Variants in FRMPD2 observed in about 807,000 individuals in gnomAD.
The protein encoded by FRMPD2 is FERM and PDZ domain-containing protein 2.
Under a neutral mutation model 140.1 loss-of-function variants are expected in FRMPD2, and 96 were observed. The ratio of observed to expected loss-of-function variants is 0.69; its 90% CI spans 0.58 to 0.81. FRMPD2 has a LOEUF of 0.81. FRMPD2 is among the 40% of genes least tolerant of loss of function. The pLI is 0.00. For missense variants in FRMPD2, 1,240 were observed against 1,447.4 expected (o/e 0.86, Z 2.32); for synonymous variants, 449 against 547.6 (o/e 0.82, Z 2.52).
At chr10:48,261,439 G>C (rs1484973464) in intron 1 of FRMPD2, among the ~76,000 whole-genome samples, 1 of 152,030 alleles carries the variant, frequency 6.6e-6, no homozygotes, top group Non-Finnish European at 1.5e-5. Flanking sequence ...GCAGAAAAAG[G>C]ATAAGAATTA....
chr10:48,244,947 T>G, intron 3 of FRMPD2, 98 bp from the exon 4 acceptor site: 2 of 931,834 alleles, frequency 2.1e-6, no homozygotes, highest in South Asian at 2.7e-5. Context: ...GAACAGACAC[T>G]GTTGTCTGGC....
Position 48,201,368 on chromosome 10 carries a change from A to G in FRMPD2, c.1814T>C (p.Ile605Thr). 2 of 1,613,602 alleles carry G rather than the reference A, an allele frequency of 1.2e-6. No homozygotes were observed. The highest frequency in any genetic ancestry group is 1.7e-6 in the Non-Finnish European group (2 of 1,179,682). Residue 605 changes from isoleucine to threonine, a missense_variant, in exon 15 of 29, where the codon ATC (isoleucine) becomes ACC (threonine). Transcript: ENST00000374201. Reference protein sequence around the residue: ...KISTYQKKFTITSSVTGKKHT... With the variant: ...KISTYQKKFTTTSSVTGKKHT... ...CTTCTTCCCAGTGACACTGCTTGTG[A>G]TGGTGAACTTTTTTTGCTGAAGGAA...
intron 13 of FRMPD2, among the ~76,000 whole-genome samples, chr10:48,210,227 C>T (rs1450235137): frequency 6.6e-6 from 1 of 152,188 alleles, no homozygotes; most frequent in African/African-American, 2.4e-5. Flanking sequence ...CTCTGTACCA[C>T]AGGCAGGCAA....
intron 12 of FRMPD2, among the ~76,000 whole-genome samples, chr10:48,215,274 G>A (rs1223645163): frequency 1.3e-5 from 2 of 152,132 alleles, no homozygotes; most frequent in African/African-American, 2.4e-5. Flanking sequence ...CACAGCCACC[G>A]AGGCTCAGGC....
chr10:48,227,719 T>A (rs1588841919), intron 10 of FRMPD2, among the ~76,000 whole-genome samples: 1 of 152,318 alleles, frequency 6.6e-6, no homozygotes, highest in East Asian at 1.9e-4. Context: ...CATGAACAAC[T>A]GTCCTATTGG....
chr10:48,203,876 C>T (rs867725070), intron 14 of FRMPD2, among the ~76,000 whole-genome samples: 4 of 152,182 alleles, frequency 2.6e-5, no homozygotes, highest in African/African-American at 7.2e-5. Context: ...CTCCTTGCCA[C>T]GTCCCTTCGC....
intron 1 of FRMPD2, among the ~76,000 whole-genome samples, chr10:48,274,342 T>C (rs186552781): frequency 1.3e-5 from 2 of 152,332 alleles, no homozygotes; most frequent in South Asian, 2.1e-4. Context: ...CCATTCTTTA[T>C]TGCTAAAAAA....
intron 21 of FRMPD2, among the ~76,000 whole-genome samples, chr10:48,180,365 G>T (rs1473799233): frequency 6.6e-6 from 1 of 152,148 alleles, no homozygotes; most frequent in African/African-American, 2.4e-5. Flanking sequence ...ACCTACTCCA[G>T]ATCCCATCTT....
intron 10 of FRMPD2, 22 bp from the exon 11 acceptor site, chr10:48,223,292 T>C: frequency 6.2e-7 from 1 of 1,604,498 alleles, no homozygotes; most frequent in Non-Finnish European, 8.5e-7. Flanking sequence ...ATAGAGCATG[T>C]GTGGAAGGAG....
rs1338720441 is a variant in FRMPD2 at position 48,184,758 on chromosome 10, A to G, written c.2467+16T>C. On this transcript the variant is annotated intron_variant, in intron 19 of 28. Coordinates refer to ENST00000374201, the MANE Select transcript of FRMPD2 (RefSeq NM_001018071.4). ...GTTTCTTAAAACAGCATCTCTAGTA[A>G]TTTAAAAAGATGTACCTGGTTTGAT... 3.1e-6 allele frequency: 5 copies of G among 1,603,574 alleles called. No homozygotes were observed. Among genetic ancestry groups the G allele is most frequent in the African/African-American group, 1.3e-5 (1 of 74,514 alleles).
intron 13 of FRMPD2, among the ~76,000 whole-genome samples, chr10:48,210,662 G>A (rs1010509746): frequency 2.6e-5 from 4 of 152,226 alleles, no homozygotes; most frequent in Non-Finnish European, 5.9e-5. Context: ...GGGAACACGT[G>A]TGCAGCCCGG....
chr10:48,251,800 AC>A, intron 1 of FRMPD2, 109 bp from the exon 2 acceptor site: 1 of 1,312,156 alleles, frequency 7.6e-7, no homozygotes. Flanking sequence ...ACTACTGCAC[AC>A]CGGCACTGTG....
chr10:48,195,335 T>A (rs1183363511), intron 15 of FRMPD2, among the ~76,000 whole-genome samples: 1 of 152,222 alleles, frequency 6.6e-6, no homozygotes, highest in African/African-American at 2.4e-5. Context: ...CTTTTCCCCC[T>A]ACAGAACCAA....
chr10:48,158,854 C>A (rs1473866156), intron 28 of FRMPD2: 2 of 275,320 alleles, frequency 7.3e-6, no homozygotes, highest in South Asian at 6.9e-5. Flanking sequence ...AGAGGAATCC[C>A]AGTTCAGCTC....
chr10:48,177,513 G>A (rs1490366935), intron 22 of FRMPD2: 2 of 155,928 alleles, frequency 1.3e-5, no homozygotes, highest in Non-Finnish European at 2.9e-5. Context: ...CAACCCCTTG[G>A]GTAAACACAG....
rs781512482 is a variant in FRMPD2, at chr10:48,236,559, G to A, written c.922-6C>T. The A allele has an allele frequency of 1.1e-5, 17 of 1,613,830 alleles. No individual in the cohort carries two copies. The highest frequency in any genetic ancestry group is 1.6e-4 in the Middle Eastern group (1 of 6,084). ...ATGAACTCTGGCCTGGAAAACTGGAGGAAAACAGTCACATATGGTAGAGAA... is the reference window on the plus strand; with the variant it reads ...ATGAACTCTGGCCTGGAAAACTGGAAGAAAACAGTCACATATGGTAGAGAA... On this transcript the variant is annotated splice_region_variant and splice_polypyrimidine_tract_variant and intron_variant, in intron 8 of 28. Transcript: ENST00000374201.
chr10:48,263,017 A>G (rs1484121373), intron 1 of FRMPD2, among the ~76,000 whole-genome samples: 4 of 152,178 alleles, frequency 2.6e-5, no homozygotes, highest in Non-Finnish European at 5.9e-5. Context: ...AAGGATAGCC[A>G]GAATATCCTC....
At chr10:48,220,109 A>T (rs1406058314) in intron 12 of FRMPD2, among the ~76,000 whole-genome samples, 1 of 152,222 alleles carries the variant, frequency 6.6e-6, no homozygotes, top group African/African-American at 2.4e-5. Flanking sequence ...CTTTTAATAA[A>T]GGTTGGCTAT....
At chr10:48,266,695 G>C (rs1317652836) in intron 1 of FRMPD2, among the ~76,000 whole-genome samples, 1 of 152,256 alleles carries the variant, frequency 6.6e-6, no homozygotes, top group African/African-American at 2.4e-5. Context: ...AGTCAGTTCA[G>C]AGAAGGCCAA....
Sources: gnomAD v4.1 joint callset for allele counts (sites outside exome capture counted in the v4.1 genomes callset) on GRCh38, gnomAD v4.1.1 for gene constraint, MANE v1.5 for transcripts, NCBI Gene and HGNC (gene_info 2026-07-23, HGNC 2026-07-21) for gene names.